RERE: variants seen among roughly 807,000 people sequenced by gnomAD.
RERE encodes the protein arginine-glutamic acid dipeptide repeats protein.
Under a neutral mutation model 146.1 loss-of-function variants are expected in RERE, and 40 were observed. The observed-to-expected ratio is 0.27, with a 90% CI of 0.21 to 0.36. The LOEUF (loss-of-function observed/expected upper bound fraction) is 0.36, where lower values mean the gene tolerates loss of function less well. RERE is among the 10% of genes least tolerant of loss of function. The pLI, the probability that RERE is intolerant of heterozygous loss-of-function variation, is 1.00. For synonymous variants in RERE, 1,003 were observed against 866.0 expected (o/e 1.16, Z -2.78); for missense variants, 1,933 against 2,138.7 (o/e 0.90, Z 1.90).
At chr1:8,435,626 C>T (rs536667376) in intron 11 of RERE, among the ~76,000 whole-genome samples, 4 of 152,218 alleles carry the variant, frequency 2.6e-5, no homozygotes, top group African/African-American at 9.6e-5. Flanking sequence ...TTTGTCAACA[C>T]ACCTGCATGC....
intron 12 of RERE, among the ~76,000 whole-genome samples, chr1:8,415,888 T>C (rs1643745886): frequency 6.6e-6 from 1 of 152,272 alleles, no homozygotes; most frequent in South Asian, 2.1e-4. Flanking sequence ...GCAATCACTT[T>C]GGCCTCAAAT....
At chr1:8,613,947 G>C (rs1004089658) in intron 4 of RERE, among the ~76,000 whole-genome samples, 3 of 152,098 alleles carry the variant, frequency 2.0e-5, no homozygotes, top group African/African-American at 7.2e-5. Context: ...TGTGTTTTAA[G>C]GGATAAAGCA....
chr1:8,434,732 CCTGAG>C (rs1432011811), intron 11 of RERE: 1 of 152,238 alleles, frequency 6.6e-6, no homozygotes, highest in Admixed American at 6.5e-5. Context: ...TCTTTGAAGC[CCTGAG>C]CTGCCAGATT....
At chr1:8,563,134 GAC>G (rs944141939) in intron 4 of RERE, among the ~76,000 whole-genome samples, 1 of 152,206 alleles carries the variant, frequency 6.6e-6, no homozygotes, top group Non-Finnish European at 1.5e-5. Flanking sequence ...CCCAAACACA[GAC>G]ACAGGGTCTA....
chr1:8,613,045 T>C (rs973257249), intron 4 of RERE, among the ~76,000 whole-genome samples: 7 of 152,222 alleles, frequency 4.6e-5, no homozygotes, highest in African/African-American at 1.7e-4. Context: ...CTGATTTGGT[T>C]ACAATTATCA....
intron 11 of RERE, among the ~76,000 whole-genome samples, chr1:8,460,343 T>C (rs1329155895): frequency 6.6e-6 from 1 of 152,232 alleles, no homozygotes; most frequent in African/African-American, 2.4e-5. Context: ...GTGTATTCTG[T>C]GTAAGTAATT....
rs1007137040 is a variant in RERE at position 8,403,149 on chromosome 1, G to A, written c.1284+19578C>T. On this transcript the variant is annotated intron_variant, in intron 12 of 22. Coordinates refer to ENST00000400908, the MANE Select transcript of RERE (RefSeq NM_001042681.2). Reference sequence around the variant, plus strand: ...CCTGACCCCGTGATCTGCCCATCTCGGCCTCCCAAAGTGCTGGGATTACAG... The same window carrying A: ...CCTGACCCCGTGATCTGCCCATCTCAGCCTCCCAAAGTGCTGGGATTACAG... Among the ~76,000 whole-genome samples the A allele has an allele frequency of 5.9e-5, 9 of 151,994 alleles. No individual in the cohort carries two copies. The South Asian group carries it at 8.3e-4, about 14-fold the overall frequency.
chr1:8,770,263 A>G (rs184047020), intron 1 of RERE, among the ~76,000 whole-genome samples: 143 of 152,304 alleles, frequency 9.4e-4, no homozygotes, highest in Admixed American at 1.5e-3. Context: ...TAGTTAAGGT[A>G]TTATCATGAG....
chr1:8,735,664 T>C lies in RERE; in HGVS notation c.-144-79223A>G, dbSNP rs182391090. On this transcript the variant is annotated intron_variant, in intron 1 of 22. Transcript: ENST00000400908. The stretch of plus-strand genomic sequence containing the variant: ...GGAGGTGGGGCCCGGTGGGAGGTGA[T>C]TGGATCACGGGGCGGTTTCTCATGA... Among the ~76,000 whole-genome samples, 213 of 152,172 alleles carry C rather than the reference T, an allele frequency of 1.4e-3. 1 individual carries two copies. Among genetic ancestry groups the C allele is most frequent in the African/African-American group, 4.9e-3 (202 of 41,522 alleles).
chr1:8,481,090 C>A (rs1246094829), intron 10 of RERE, among the ~76,000 whole-genome samples: 1 of 152,164 alleles, frequency 6.6e-6, no homozygotes, highest in Non-Finnish European at 1.5e-5. Flanking sequence ...GGCTAAACAG[C>A]AAATCCTCCA....
intron 10 of RERE, among the ~76,000 whole-genome samples, chr1:8,486,650 G>GA (rs941436276): frequency 1.4e-5 from 2 of 145,462 alleles, no homozygotes; most frequent in African/African-American, 5.1e-5. Flanking sequence ...AAACAAACGG[G>GA]AAAAAATAAT....
rs1641225290 is a variant in RERE at position 8,354,867 on chromosome 1, G to T, written c.*220C>A. On this transcript the variant is annotated 3_prime_UTR_variant, in exon 23 of 23. Coordinates refer to ENST00000400908, the MANE Select transcript of RERE (RefSeq NM_001042681.2). The stretch of plus-strand genomic sequence containing the variant: ...CCAGTCCAGGACTCACTAAGTTTCT[G>T]GGGGACTGTCATGCAGGGAGATCCA... 5.2e-6 allele frequency: 3 copies of T among 578,766 alleles called. No homozygotes were observed. The highest frequency in any genetic ancestry group is 3.2e-5 in the Admixed American group (1 of 30,962). 35.9% of individuals were successfully genotyped at this position (578,766 alleles called of 1,614,324 possible).
chr1:8,656,549 C>T (rs1407457373), intron 1 of RERE, 108 bp from the exon 2 acceptor site: 2 of 460,964 alleles, frequency 4.3e-6, no homozygotes, highest in Non-Finnish European at 7.4e-6. Flanking sequence ...CTAAAAACTT[C>T]GCACAAGCCA....
intron 1 of RERE, among the ~76,000 whole-genome samples, chr1:8,777,967 C>T (rs1348572483): frequency 6.6e-6 from 1 of 151,690 alleles, no homozygotes; most frequent in African/African-American, 2.4e-5. Context: ...TGATACCCTG[C>T]ACAAATTAAT....
intron 4 of RERE, among the ~76,000 whole-genome samples, chr1:8,563,489 T>C (rs1363210495): frequency 6.6e-6 from 1 of 152,166 alleles, no homozygotes; most frequent in Non-Finnish European, 1.5e-5. Flanking sequence ...CAGCAGGGAT[T>C]ATCAGGTCCC....
chr1:8,401,976 T>G (rs1219046685), intron 12 of RERE, among the ~76,000 whole-genome samples: 1 of 152,138 alleles, frequency 6.6e-6, no homozygotes, highest in African/African-American at 2.4e-5. Context: ...GTTCAAGTGA[T>G]TCTTCTGCCT....
intron 1 of RERE, among the ~76,000 whole-genome samples, chr1:8,719,667 A>G (rs1338564780): frequency 6.6e-6 from 1 of 152,172 alleles, no homozygotes; most frequent in East Asian, 1.9e-4. Flanking sequence ...GTATTCAAAT[A>G]ATCTTCATTT....
At chr1:8,776,254 A>G (rs1384595358) in intron 1 of RERE, among the ~76,000 whole-genome samples, 1 of 151,920 alleles carries the variant, frequency 6.6e-6, no homozygotes, top group Non-Finnish European at 1.5e-5. Flanking sequence ...TAACTTTCTA[A>G]TTTTTTCATC....
chr1:8,574,719 C>T (rs534792086), intron 4 of RERE, among the ~76,000 whole-genome samples: 2 of 152,250 alleles, frequency 1.3e-5, no homozygotes, highest in South Asian at 2.1e-4. Flanking sequence ...ATACGAAGTA[C>T]GAAGACAGAC....
Sources: allele counts gnomAD v4.1 joint callset (sites outside exome capture counted in the v4.1 genomes callset), GRCh38; gene constraint gnomAD v4.1.1; transcripts MANE v1.5; gene names NCBI Gene and HGNC (gene_info 2026-07-23, HGNC 2026-07-21).